The following SELENOT variants were observed in gnomAD, a reference collection of about 807,000 sequenced individuals.
The protein encoded by SELENOT is selenoprotein T.
Under a neutral mutation model 24.3 loss-of-function variants are expected in SELENOT, and 9 were observed. The observed-to-expected ratio is 0.37, with a 90% CI of 0.22 to 0.65. SELENOT has a LOEUF of 0.65. SELENOT is among the 30% of genes least tolerant of loss of function. SELENOT has a pLI of 0.60. For synonymous variants in SELENOT, 81 were observed against 86.0 expected (o/e 0.94, Z 0.32); for missense variants, 166 against 247.6 (o/e 0.67, Z 2.21).
intron 3 of SELENOT, among the ~76,000 whole-genome samples, chr3:150,623,592 C>CCT (rs10663245): frequency 1 from 151,936 of 151,948 alleles, 75,962 homozygotes; most frequent in Middle Eastern, 1. Context: ...TATCAAAACT[C>CCT]CTCTCTCTTT....
intron 1 of SELENOT, among the ~76,000 whole-genome samples, chr3:150,620,230 CT>C (rs1017222059): frequency 6.6e-6 from 1 of 152,152 alleles, no homozygotes; most frequent in African/African-American, 2.4e-5. Flanking sequence ...TAAGGGACTT[CT>C]TGGGGCTCAT....
chr3:150,615,530 G>A (rs1475505459), intron 1 of SELENOT, among the ~76,000 whole-genome samples: 1 of 152,124 alleles, frequency 6.6e-6, no homozygotes, highest in Admixed American at 6.5e-5. Flanking sequence ...AGCACCTGTT[G>A]TTTCAGATTT....
intron 1 of SELENOT, among the ~76,000 whole-genome samples, chr3:150,621,455 C>T (rs1037460109): frequency 6.6e-6 from 1 of 151,936 alleles, no homozygotes; most frequent in African/African-American, 2.4e-5. Context: ...GACCCTGCTT[C>T]CTCTGTACCA....
At chr3:150,611,896 AC>A in intron 1 of SELENOT, 1 of 999,996 alleles carries the variant, frequency 1.0e-6, no homozygotes, top group Non-Finnish European at 1.5e-6. Flanking sequence ...GCTCCGGGGT[AC>A]CGGCGCTGAC....
chr3:150,609,593 T>C (rs1218312148), intron 1 of SELENOT, among the ~76,000 whole-genome samples: 2 of 152,156 alleles, frequency 1.3e-5, no homozygotes, highest in African/African-American at 4.8e-5. Flanking sequence ...CAAGCAGTCC[T>C]GCCTCAGCCT....
chr3:150,625,193 C>T (rs112963523), intron 4 of SELENOT, among the ~76,000 whole-genome samples: 1 of 151,882 alleles, frequency 6.6e-6, no homozygotes. Context: ...TTTATCTACT[C>T]CCATGGCTTT....
chr3:150,604,394 G>T (rs1227875954), intron 1 of SELENOT, among the ~76,000 whole-genome samples: 1 of 152,100 alleles, frequency 6.6e-6, no homozygotes, highest in Non-Finnish European at 1.5e-5. Context: ...CACCAAAATT[G>T]TAAAATTATA....
chr3:150,622,515 TAAAAG>T lies in SELENOT; in HGVS notation c.248+21_248+25del. The T allele has an allele frequency of 8.2e-7, 1 of 1,223,582 alleles. No individual in the cohort carries two copies. The highest frequency in any genetic ancestry group is 1.1e-6 in the Non-Finnish European group (1 of 889,882). The allele number at this position is 1,223,582 out of a possible 1,614,324, so 75.8% of individuals were successfully genotyped here. Reference sequence around the variant, plus strand: ...ATATAGGTAAGAAATTTTAATAACTTAAAAGGAAAACAATGTATTTGACTTTATAA... The same window carrying T: ...ATATAGGTAAGAAATTTTAATAACTTGAAAACAATGTATTTGACTTTATAA... On this transcript the variant is annotated intron_variant, in intron 2 of 5. Coordinates refer to ENST00000471696, the MANE Select transcript of SELENOT (RefSeq NM_016275.5).
chr3:150,609,981 T>G (rs529549566), intron 1 of SELENOT, among the ~76,000 whole-genome samples: 2 of 152,350 alleles, frequency 1.3e-5, no homozygotes, highest in African/African-American at 4.8e-5. Flanking sequence ...ATAGGGGCTA[T>G]GTACCAAAAT....
intron 1 of SELENOT, among the ~76,000 whole-genome samples, chr3:150,618,058 T>C (rs935380839): frequency 3.3e-5 from 5 of 152,118 alleles, no homozygotes; most frequent in Non-Finnish European, 7.4e-5. Flanking sequence ...AGTTTCACCA[T>C]GTTGGCCAGG....
chr3:150,618,597 C>T (rs1344492495), intron 1 of SELENOT: 1 of 153,612 alleles, frequency 6.5e-6, no homozygotes, highest in East Asian at 1.9e-4. Context: ...TCTCGGCTCT[C>T]TGTAGCCTTG....
At chr3:150,613,040 C>T (rs879447634) in intron 1 of SELENOT, among the ~76,000 whole-genome samples, 17 of 151,970 alleles carry the variant, frequency 1.1e-4, no homozygotes, top group African/African-American at 3.1e-4. Flanking sequence ...TGAAAGAGTC[C>T]GAAAGATTTA....
chr3:150,603,609 G>A (rs1434845929), intron 1 of SELENOT, 110 bp downstream of exon 1: 2 of 1,271,442 alleles, frequency 1.6e-6, no homozygotes, highest in Admixed American at 2.9e-5. Context: ...CGCTGGCCTC[G>A]TAGAACTGTG....
chr3:150,615,682 G>C (rs977326276), intron 1 of SELENOT, among the ~76,000 whole-genome samples: 1 of 152,092 alleles, frequency 6.6e-6, no homozygotes, highest in Non-Finnish European at 1.5e-5. Context: ...ACAAACCACT[G>C]CTCAAGGAAA....
intron 1 of SELENOT, chr3:150,611,672 G>A (rs1726095333): frequency 6.9e-6 from 11 of 1,602,142 alleles, no homozygotes; most frequent in African/African-American, 1.3e-5. Flanking sequence ...TGAAGCTGGC[G>A]TTGCCTGCTG....
At chr3:150,606,187 G>T (rs1725959040) in intron 1 of SELENOT, among the ~76,000 whole-genome samples, 1 of 130,750 alleles carries the variant, frequency 7.6e-6, no homozygotes, top group South Asian at 2.4e-4. Flanking sequence ...GTCCCGCTGT[G>T]TCACCCAGTT....
Position 150,603,506 on chromosome 3 carries a change from A to G in SELENOT, c.137+7A>G. On this transcript the variant is annotated splice_region_variant and intron_variant, in intron 1 of 5. Coordinates refer to ENST00000471696, the MANE Select transcript of SELENOT (RefSeq NM_016275.5). Reference sequence around the variant, plus strand: ...TGCTCAAGTTCCAGATTTGGTGAGTATGTGCACTGGGCCCCGGCCACCCCG... The same window carrying G: ...TGCTCAAGTTCCAGATTTGGTGAGTGTGTGCACTGGGCCCCGGCCACCCCG... 6.3e-7 allele frequency: 1 copy of G among 1,590,196 alleles called. No individual in the cohort carries two copies. Among genetic ancestry groups the G allele is most frequent in the Non-Finnish European group, 8.6e-7 (1 of 1,162,674 alleles).
chr3:150,623,196 T>G (rs777374854), intron 3 of SELENOT, 27 bp downstream of exon 3: 4 of 1,549,548 alleles, frequency 2.6e-6, no homozygotes, highest in Non-Finnish European at 3.5e-6. Context: ...CTTTGGTAAC[T>G]GTAGGTTTTT....
At chr3:150,624,049 C>A (rs999166806) in intron 3 of SELENOT, among the ~76,000 whole-genome samples, 4 of 148,186 alleles carry the variant, frequency 2.7e-5, no homozygotes, top group African/African-American at 9.8e-5. Flanking sequence ...TAAATATCTT[C>A]AAGTGGTATC....
Sources: gnomAD v4.1 joint callset for allele counts (sites outside exome capture counted in the v4.1 genomes callset) on GRCh38, gnomAD v4.1.1 for gene constraint, MANE v1.5 for transcripts, NCBI Gene and HGNC (gene_info 2026-07-23, HGNC 2026-07-21) for gene names.